Variants in SEC24D observed in about 807,000 individuals in gnomAD.
The protein encoded by SEC24D is protein transport protein Sec24D.
Under a neutral mutation model 116.9 loss-of-function variants are expected in SEC24D, and 69 were observed. That is an observed-to-expected ratio of 0.59 (90% CI 0.49 to 0.72). The LOEUF (loss-of-function observed/expected upper bound fraction) is 0.72, where lower values mean the gene tolerates loss of function less well. Ranked by LOEUF, SEC24D falls within the 30% of genes least tolerant of loss-of-function variation. The pLI, the probability that SEC24D is intolerant of heterozygous loss-of-function variation, is 0.00. For missense variants in SEC24D, 1,131 were observed against 1,264.1 expected (o/e 0.89, Z 1.60); for synonymous variants, 405 against 442.8 (o/e 0.91, Z 1.07).
chr4:118,752,409 T>C (rs957445061), intron 12 of SEC24D, among the ~76,000 whole-genome samples: 1 of 152,194 alleles, frequency 6.6e-6, no homozygotes, highest in Non-Finnish European at 1.5e-5. Flanking sequence ...TTCATCCATA[T>C]ATAGGAAATA....
intron 10 of SEC24D, 50 bp downstream of exon 10, chr4:118,764,752 C>G: frequency 9.6e-7 from 1 of 1,041,618 alleles, no homozygotes; most frequent in Non-Finnish European, 1.5e-6. Flanking sequence ...AAGTTATTCA[C>G]TTGAATTTAA....
At chr4:118,810,137 TCAGA>T (rs1729858645) in intron 6 of SEC24D, among the ~76,000 whole-genome samples, 31 of 104,310 alleles carry the variant, frequency 3.0e-4, no homozygotes, top group South Asian at 6.1e-4. Context: ...TGTGTGTGTG[TCAGA>T]GGGTATAGGG....
In SEC24D at chr4:118,833,664, C is replaced by T. The variant is rs771388135; in HGVS notation, c.33G>A (p.Pro11=). MSQQGYVATP[P]YSQPQPGIGL... ...CTATTCCAGGCTGAGGCTGAGAATA[C>T]GGAGGTGTAGCCACGTAACCTTGTT... Residue 11 remains proline (P), a synonymous_variant, in exon 2 of 23, where the codon CCG becomes CCA. Transcript: ENST00000280551. 1.1e-5 allele frequency: 17 copies of T among 1,613,752 alleles called. No homozygotes were observed. The highest frequency in any genetic ancestry group is 8.0e-5 in the African/African-American group (6 of 75,002).
In SEC24D at chr4:118,749,181, T is replaced by C. The variant is rs60367679; in HGVS notation, c.1707+2815A>G. 3.5e-3 allele frequency among the ~76,000 whole-genome samples: 531 copies of C among 152,268 alleles called. 3 individuals are homozygous for C. The highest frequency in any genetic ancestry group is 0.012 in the African/African-American group (502 of 41,578). Reference sequence around the variant, plus strand: ...GAAATAAATGCAGATTTTGAAAGACTATGTGGGGAAAAAATGCTATGAGTA... The same window carrying C: ...GAAATAAATGCAGATTTTGAAAGACCATGTGGGGAAAAAATGCTATGAGTA... On this transcript the variant is annotated intron_variant, in intron 13 of 22. Coordinates refer to ENST00000280551, the MANE Select transcript of SEC24D (RefSeq NM_014822.4).
chr4:118,731,521 G>C lies in SEC24D; in HGVS notation c.2677-14C>G. The stretch of plus-strand genomic sequence containing the variant: ...ATCTAACGTGTGCTGGGCAGGCACA[G>C]ACAAAAGAGTTAGAAACTCCTTTCT... On this transcript the variant is annotated splice_polypyrimidine_tract_variant and intron_variant, in intron 20 of 22. Coordinates refer to ENST00000280551, the MANE Select transcript of SEC24D (RefSeq NM_014822.4). 6.2e-7 allele frequency: 1 copy of C among 1,611,498 alleles called. No individual in the cohort carries two copies. Among genetic ancestry groups the C allele is most frequent in the Non-Finnish European group, 8.5e-7 (1 of 1,177,960 alleles).
At chr4:118,761,334 G>A (rs1340100750) in intron 10 of SEC24D, among the ~76,000 whole-genome samples, 1 of 152,096 alleles carries the variant, frequency 6.6e-6, no homozygotes. Flanking sequence ...TGTCCTCATG[G>A]CCTACTGAAT....
intron 8 of SEC24D, among the ~76,000 whole-genome samples, chr4:118,789,394 T>C (rs1326512098): frequency 6.6e-6 from 1 of 152,220 alleles, no homozygotes; most frequent in Non-Finnish European, 1.5e-5. Flanking sequence ...GTAAAGACCA[T>C]CACTGACGTA....
rs1470875209 is a variant in SEC24D, at chr4:118,741,051, G to A, written c.1996-14C>T. 5.5e-6 allele frequency: 8 copies of A among 1,446,458 alleles called. No homozygotes were observed. Among genetic ancestry groups the A allele is most frequent in the Non-Finnish European group, 7.6e-6 (8 of 1,051,888 alleles). 89.6% of individuals were successfully genotyped at this position (1,446,458 alleles called of 1,614,324 possible). A position where few individuals can be genotyped will look rare whatever the true frequency, so the allele number is the denominator to read the frequency against. The stretch of plus-strand genomic sequence containing the variant: ...ATCCAAGTGCATCTAAAAAATAAAA[G>A]TCTAATCAATGTCCACCAGATGGCA... On this transcript the variant is annotated splice_polypyrimidine_tract_variant and intron_variant, in intron 15 of 22. Transcript: ENST00000280551.
chr4:118,794,537 T>C (rs541464799), intron 8 of SEC24D, among the ~76,000 whole-genome samples: 1 of 152,348 alleles, frequency 6.6e-6, no homozygotes, highest in East Asian at 1.9e-4. Context: ...CTATGATATT[T>C]TGTTATTTAT....
chr4:118,762,104 A>G (rs1441665704), intron 10 of SEC24D, among the ~76,000 whole-genome samples: 1 of 150,398 alleles, frequency 6.6e-6, no homozygotes, highest in African/African-American at 2.4e-5. Context: ...TTTGTTCAGA[A>G]AAAAAAAAAA....
intron 9 of SEC24D, among the ~76,000 whole-genome samples, chr4:118,766,261 C>T (rs1727638695): frequency 6.6e-6 from 1 of 152,188 alleles, no homozygotes; most frequent in East Asian, 1.9e-4. Context: ...TACCCTTTGG[C>T]CCCTGTCTTC....
At chr4:118,796,930 G>T (rs10518323) in intron 8 of SEC24D, among the ~76,000 whole-genome samples, 38,854 of 152,156 alleles carry the variant, frequency 0.26, 6,294 homozygotes, top group East Asian at 0.45. Context: ...ACTACAATGG[G>T]TTATGGTCAC....
intron 8 of SEC24D, among the ~76,000 whole-genome samples, chr4:118,779,752 A>C (rs1403468886): frequency 6.6e-6 from 1 of 152,128 alleles, no homozygotes; most frequent in Non-Finnish European, 1.5e-5. Context: ...TTTGGTTGGT[A>C]GGCTATTGAT....
chr4:118,735,624 T>C (rs1725918541), intron 19 of SEC24D: 1 of 151,910 alleles, frequency 6.6e-6, no homozygotes, highest in South Asian at 2.1e-4. Context: ...CTCAGAACAG[T>C]GAGATATTAG....
intron 6 of SEC24D, among the ~76,000 whole-genome samples, chr4:118,814,282 T>C (rs1730043290): frequency 6.6e-6 from 1 of 152,252 alleles, no homozygotes; most frequent in South Asian, 2.1e-4. Flanking sequence ...CTTTAAGAGC[T>C]GTTGCACATT....
chr4:118,791,013 A>G (rs1044589257), intron 8 of SEC24D, among the ~76,000 whole-genome samples: 2 of 151,896 alleles, frequency 1.3e-5, no homozygotes, highest in African/African-American at 4.8e-5. Context: ...TTTGCTTAGA[A>G]AAGATACTTT....
At chr4:118,739,505 A>G (rs906121839) in intron 17 of SEC24D, among the ~76,000 whole-genome samples, 1 of 152,154 alleles carries the variant, frequency 6.6e-6, no homozygotes, top group Non-Finnish European at 1.5e-5. Flanking sequence ...GTAGCACTTC[A>G]CTGGTTTAAA....
chr4:118,792,344 AG>A (rs1384133184), intron 8 of SEC24D, among the ~76,000 whole-genome samples: 14 of 143,404 alleles, frequency 9.8e-5, no homozygotes, highest in Non-Finnish European at 2.2e-4. Context: ...CACCCTGTCT[AG>A]GAAGTGAGGA....
In SEC24D at chr4:118,835,238, C is replaced by T. The variant is rs773620985; in HGVS notation, c.-42+703G>A. On this transcript the variant is annotated intron_variant, in intron 1 of 22. Coordinates refer to ENST00000280551, the MANE Select transcript of SEC24D (RefSeq NM_014822.4). ...AGGCTGAGATGGTCACTCCAAAGAACAGGAAGCAGCCAGTTCCCTCTGAAC... is the reference window on the plus strand; with the variant it reads ...AGGCTGAGATGGTCACTCCAAAGAATAGGAAGCAGCCAGTTCCCTCTGAAC... Among the ~76,000 whole-genome samples the T allele has an allele frequency of 2.0e-5, 3 of 152,318 alleles. No individual in the cohort carries two copies. The South Asian group carries it at 6.2e-4, about 32-fold the overall frequency.
Sources: gnomAD v4.1 joint callset for allele counts (sites outside exome capture counted in the v4.1 genomes callset) on GRCh38, gnomAD v4.1.1 for gene constraint, MANE v1.5 for transcripts, NCBI Gene and HGNC (gene_info 2026-07-23, HGNC 2026-07-21) for gene names.